The following OTOA variants were observed in gnomAD, a reference collection of about 807,000 sequenced individuals.
OTOA encodes cancer/testis antigen 108.
A neutral mutation model predicts 110.8 loss-of-function variants in OTOA; 70 were observed. The ratio of observed to expected loss-of-function variants is 0.63; its 90% CI spans 0.52 to 0.77. OTOA has a LOEUF of 0.77. Ranked by LOEUF, OTOA falls within the 30% of genes least tolerant of loss-of-function variation. The probability of loss-of-function intolerance (pLI) is 0.00; values close to 1 mark genes in which losing one functional copy is unlikely to be tolerated. For synonymous variants in OTOA, 373 were observed against 431.5 expected, an observed-to-expected ratio of 0.86 and a Z score of 1.68; for missense variants, 917 against 1,075.8, an observed-to-expected ratio of 0.85 and a Z score of 2.06.
intron 12 of OTOA, among the ~76,000 whole-genome samples, chr16:21,709,021 G>A (rs546124972): frequency 1.3e-5 from 2 of 152,142 alleles, no homozygotes; most frequent in South Asian, 2.1e-4. Flanking sequence ...AAACTATGTA[G>A]TGTCTCTATA....
intron 12 of OTOA, among the ~76,000 whole-genome samples, chr16:21,708,875 C>T (rs1352401621): frequency 6.6e-6 from 1 of 152,024 alleles, no homozygotes; most frequent in Non-Finnish European, 1.5e-5. Context: ...GCAGCTGTAA[C>T]GCACACTTTA....
intron 11 of OTOA, 90 bp from the exon 12 acceptor site, chr16:21,705,079 A>T (rs1489504376): frequency 1.9e-6 from 3 of 1,604,556 alleles, no homozygotes; most frequent in African/African-American, 1.3e-5. Context: ...CAACTGAAAA[A>T]CAACTCACCA....
intron 1 of OTOA, among the ~76,000 whole-genome samples, chr16:21,673,718 A>T (rs947163687): frequency 3.3e-5 from 5 of 152,178 alleles, no homozygotes; most frequent in African/African-American, 1.2e-4. Flanking sequence ...ACGGAATGAC[A>T]TTTAGATTGG....
At chr16:21,704,929 A>T (rs546404081) in intron 11 of OTOA, 1 of 785,054 alleles carries the variant, frequency 1.3e-6, no homozygotes, top group South Asian at 1.3e-5. Context: ...TGGATCGTGG[A>T]CCATGCCATG....
intron 1 of OTOA, among the ~76,000 whole-genome samples, chr16:21,672,064 A>T (rs1384212309): frequency 6.6e-6 from 1 of 152,068 alleles, no homozygotes; most frequent in Non-Finnish European, 1.5e-5. Context: ...ACCAATCCTA[A>T]TTTGTTTCCT....
At position 21,717,063 on chromosome 16, in the gene OTOA, A is replaced by G. The variant is rs959435114; in HGVS notation, c.1629+16A>G. 25 of 1,613,848 alleles carry G rather than the reference A, an allele frequency of 1.5e-5. No individual in the cohort carries two copies. Among genetic ancestry groups the G allele is most frequent in the Non-Finnish European group, 2.1e-5 (25 of 1,179,898 alleles). On this transcript the variant is annotated intron_variant, in intron 15 of 28. Transcript: ENST00000646100. The stretch of plus-strand genomic sequence containing the variant: ...AAGGAGCCAGGTATTACCATGAAAC[A>G]CAGATCGATCCTGTATTTCTGACTA...
At chr16:21,689,733 T>G (rs929281777) in intron 8 of OTOA, among the ~76,000 whole-genome samples, 6 of 152,074 alleles carry the variant, frequency 3.9e-5, no homozygotes, top group African/African-American at 1.2e-4. Flanking sequence ...TTGCCCAGGC[T>G]GGAGTGCAAT....
intron 24 of OTOA, among the ~76,000 whole-genome samples, chr16:21,749,585 A>AT (rs1175457908): frequency 5.5e-5 from 8 of 145,714 alleles, no homozygotes; most frequent in Admixed American, 6.9e-5. Flanking sequence ...ATAGCCTGTG[A>AT]TTTTCGCTTC....
intron 5 of OTOA, among the ~76,000 whole-genome samples, chr16:21,681,270 A>G (rs142543205): frequency 1.3e-5 from 2 of 152,314 alleles, no homozygotes; most frequent in African/African-American, 4.8e-5. Context: ...ATTGGAAACT[A>G]TCCTATCACT....
At position 21,701,202 on chromosome 16, in the gene OTOA, A is replaced by G. The variant is rs1898046709; in HGVS notation, c.980+175A>G. 4 of 903,816 alleles carry G rather than the reference A, an allele frequency of 4.4e-6. No individual in the cohort carries two copies. In the Admixed American group the frequency reaches 8.5e-5, roughly 19 times the overall value. 56.0% of individuals were successfully genotyped at this position (903,816 alleles called of 1,614,324 possible). The stretch of plus-strand genomic sequence containing the variant: ...GAGGTGTCTGCAACTTTTTTTATGA[A>G]GAGGTTATGAAGCTGGGTGAAAGGA... On this transcript the variant is annotated intron_variant, in intron 11 of 28. Coordinates refer to ENST00000646100, the MANE Select transcript of OTOA (RefSeq NM_144672.4).
Position 21,710,072 on chromosome 16 carries a change from T to A in OTOA, c.1289T>A (p.Ile430Asn). 1 of 1,613,838 alleles carries A rather than the reference T, an allele frequency of 6.2e-7. No homozygotes were observed. The stretch of plus-strand genomic sequence containing the variant: ...GGTTGGGCCAAGAGCCAGGTCATCA[T>A]CTTGTCTGCCAAATACTTGGCCCAT... ...VSGWAKSQVI[I>N]LSAKYLAHEK... Residue 430 changes from isoleucine (I) to asparagine (N), a missense_variant, in exon 13 of 29, where the codon ATC becomes AAC. Coordinates refer to ENST00000646100, the MANE Select transcript of OTOA (RefSeq NM_144672.4).
chr16:21,668,251 G>A (rs111828156), intron 1 of OTOA, among the ~76,000 whole-genome samples: 2,657 of 151,912 alleles, frequency 0.017, 77 homozygotes, highest in African/African-American at 0.061. Flanking sequence ...TAGGACTACA[G>A]GTGTGCATCA....
chr16:21,721,804 A>C (rs1174084387), intron 17 of OTOA, among the ~76,000 whole-genome samples: 1 of 152,152 alleles, frequency 6.6e-6, no homozygotes, highest in South Asian at 2.1e-4. Context: ...AGGCAGGAGG[A>C]TCACTTGAAC....
chr16:21,674,907 T>C (rs1966854240), intron 1 of OTOA, among the ~76,000 whole-genome samples: 2 of 142,332 alleles, frequency 1.4e-5, no homozygotes, highest in African/African-American at 2.6e-5. Flanking sequence ...TTTTTTTTTT[T>C]TTTTTTTTTT....
Position 21,708,557 on chromosome 16 carries a change from G to T in OTOA, c.1105-1331G>T, listed in dbSNP as rs559540158. On this transcript the variant is annotated intron_variant, in intron 12 of 28. Transcript: ENST00000646100. ...CAAGTTCCCAGGTGTTGCAGATGCC[G>T]CTGGGTGTGCTCCACACTTTGGGAG... 2.8e-4 allele frequency among the ~76,000 whole-genome samples: 42 copies of T among 152,292 alleles called. No individual in the cohort carries two copies. In the South Asian group the frequency reaches 8.3e-3, roughly 30 times the overall value.
At chr16:21,721,882 ACT>A (rs1898753221) in intron 17 of OTOA, among the ~76,000 whole-genome samples, 1 of 151,866 alleles carries the variant, frequency 6.6e-6, no homozygotes, top group South Asian at 2.1e-4. Context: ...ACAGAGTGAG[ACT>A]CTATCTCTAA....
At chr16:21,759,035 T>C (rs1900084396) in intron 28 of OTOA, among the ~76,000 whole-genome samples, 2 of 152,218 alleles carry the variant, frequency 1.3e-5, no homozygotes, top group African/African-American at 4.8e-5. Context: ...AAACTTTCCA[T>C]TGAAATATGA....
In OTOA at chr16:21,665,636, A is replaced by T. The variant is rs1966839401; in HGVS notation, c.-5+1404A>T. ...TGGTGTGATGCCCGGCTCATAGAGG[A>T]TGCTCAGTGAGACCAGTTTCTTCCT... On this transcript the variant is annotated intron_variant, in intron 1 of 28. Transcript: ENST00000646100. Among the ~76,000 whole-genome samples, 3 of 152,068 alleles carry T rather than the reference A, an allele frequency of 2.0e-5. 1 individual carries two copies. Among genetic ancestry groups the T allele is most frequent in the Admixed American group, 2.0e-4 (3 of 15,256 alleles).
At chr16:21,711,088 A>T (rs1241524874) in intron 13 of OTOA, among the ~76,000 whole-genome samples, 9 of 152,214 alleles carry the variant, frequency 5.9e-5, no homozygotes, top group East Asian at 1.9e-4. Context: ...GGTACACATG[A>T]AGAAGCTAGA....
Sources: allele counts gnomAD v4.1 joint callset (sites outside exome capture counted in the v4.1 genomes callset), GRCh38; gene constraint gnomAD v4.1.1; transcripts MANE v1.5; gene names NCBI Gene and HGNC (gene_info 2026-07-23, HGNC 2026-07-21).